Variants in CMKLR1 observed in about 807,000 individuals in gnomAD.
The protein encoded by CMKLR1 is chemerin-like receptor 1.
Under a neutral mutation model 8.2 loss-of-function variants are expected in CMKLR1, and 6 were observed. The ratio of observed to expected loss-of-function variants is 0.73; its 90% confidence interval spans 0.40 to 1.44. CMKLR1 has a LOEUF of 1.44. Ranked by LOEUF, CMKLR1 falls within the 40% of genes most tolerant of loss-of-function variation. The probability of loss-of-function intolerance (pLI) is 0.02; values close to 1 mark genes in which losing one functional copy is unlikely to be tolerated. For synonymous variants in CMKLR1, 178 were observed against 181.2 expected (o/e 0.98, Z 0.14); for missense variants, 429 against 478.0 (o/e 0.90, Z 0.96).
intron 2 of CMKLR1, among the ~76,000 whole-genome samples, chr12:108,297,351 T>A (rs1891164542): frequency 6.6e-6 from 1 of 152,218 alleles, no homozygotes. Context: ...AAAAAATACG[T>A]GTCAATTGGC....
intron 2 of CMKLR1, among the ~76,000 whole-genome samples, chr12:108,302,757 T>A (rs1891311334): frequency 6.6e-6 from 1 of 152,166 alleles, no homozygotes; most frequent in African/African-American, 2.4e-5. Context: ...CAACACACGT[T>A]TTGCAAGAAT....
chr12:108,316,209 C>G (rs1347493497), intron 2 of CMKLR1, among the ~76,000 whole-genome samples: 2 of 152,226 alleles, frequency 1.3e-5, no homozygotes, highest in Non-Finnish European at 2.9e-5. Flanking sequence ...GCACTGGTCG[C>G]CAGCCTGAGA....
chr12:108,297,775 GC>G (rs1180770412), intron 2 of CMKLR1, among the ~76,000 whole-genome samples: 1 of 152,144 alleles, frequency 6.6e-6, no homozygotes, highest in African/African-American at 2.4e-5. Context: ...ACCTCCGTAA[GC>G]CTCAACCTTC....
Position 108,290,636 on chromosome 12 carries a change from T to C in CMKLR1, c.*1205A>G, listed in dbSNP as rs1000383079. Reference sequence around the variant, plus strand: ...GGGCCTCAGCTATGTCATTTGTAAATGGGGCTATGACACTCTGTGGCCACA... The same window carrying C: ...GGGCCTCAGCTATGTCATTTGTAAACGGGGCTATGACACTCTGTGGCCACA... On this transcript the variant is annotated 3_prime_UTR_variant, in exon 4 of 4. Coordinates refer to ENST00000550402, the MANE Select transcript of CMKLR1 (RefSeq NM_001142343.2). 8 of 152,100 alleles carry C rather than the reference T, an allele frequency of 5.3e-5. No individual in the cohort carries two copies. The highest frequency in any genetic ancestry group is 8.8e-5 in the Non-Finnish European group (6 of 68,042). The allele number at this position is 152,100 out of a possible 1,614,324, so 9.4% of individuals were successfully genotyped here. A position where few individuals can be genotyped will look rare whatever the true frequency, so the allele number is the denominator to read the frequency against.
intron 2 of CMKLR1, among the ~76,000 whole-genome samples, chr12:108,319,703 T>A (rs188802633): frequency 6.6e-6 from 1 of 152,342 alleles, no homozygotes; most frequent in East Asian, 1.9e-4. Context: ...TTATTGTTGT[T>A]GTTGTTGTTG....
At chr12:108,299,696 T>C (rs966601168) in intron 2 of CMKLR1, among the ~76,000 whole-genome samples, 1 of 152,032 alleles carries the variant, frequency 6.6e-6, no homozygotes, top group African/African-American at 2.4e-5. Context: ...CAGAAGGCCA[T>C]GTGGGGATGG....
chr12:108,324,509 C>T (rs940673963), intron 2 of CMKLR1, among the ~76,000 whole-genome samples: 3 of 152,132 alleles, frequency 2.0e-5, no homozygotes, highest in Admixed American at 6.5e-5. Context: ...AAGCAAGCCA[C>T]GCAGACGGGA....
At chr12:108,316,474 G>A (rs999013453) in intron 2 of CMKLR1, among the ~76,000 whole-genome samples, 6 of 152,220 alleles carry the variant, frequency 3.9e-5, no homozygotes, top group African/African-American at 9.6e-5. Context: ...AGGACAGAGC[G>A]GTCAGGGCAA....
At chr12:108,337,890 T>C (rs1283597328) in intron 1 of CMKLR1, among the ~76,000 whole-genome samples, 1 of 152,194 alleles carries the variant, frequency 6.6e-6, no homozygotes, top group Non-Finnish European at 1.5e-5. Flanking sequence ...TAGAGGAATC[T>C]TACCTTCAAA....
At chr12:108,301,890 A>G (rs544991672) in intron 2 of CMKLR1, among the ~76,000 whole-genome samples, 1 of 152,306 alleles carries the variant, frequency 6.6e-6, no homozygotes, top group East Asian at 1.9e-4. Flanking sequence ...AGATCCCACC[A>G]TTATAATGGG....
intron 2 of CMKLR1, among the ~76,000 whole-genome samples, chr12:108,302,825 G>A (rs1049327515): frequency 5.3e-5 from 8 of 152,168 alleles, no homozygotes; most frequent in Non-Finnish European, 7.4e-5. Context: ...GGGAGAGAGG[G>A]TGGGAGGGGT....
intron 2 of CMKLR1, among the ~76,000 whole-genome samples, chr12:108,309,754 C>T (rs1313394843): frequency 6.6e-6 from 1 of 152,204 alleles, no homozygotes; most frequent in Non-Finnish European, 1.5e-5. Context: ...TATCCACAGT[C>T]CCCACCCCTC....
intron 2 of CMKLR1, chr12:108,317,877 AG>A (rs1891770675): frequency 6.6e-6 from 1 of 152,220 alleles, no homozygotes; most frequent in Non-Finnish European, 1.5e-5. Flanking sequence ...TCCCTATGTT[AG>A]TTCCTCATGT....
intron 2 of CMKLR1, among the ~76,000 whole-genome samples, chr12:108,328,405 G>A (rs752274865): frequency 3.9e-5 from 6 of 152,248 alleles, no homozygotes; most frequent in South Asian, 4.2e-4. Context: ...ACGTGATCTC[G>A]TTTAAGCCCC....
intron 2 of CMKLR1, among the ~76,000 whole-genome samples, chr12:108,294,606 G>C (rs1351447399): frequency 6.6e-6 from 1 of 152,196 alleles, no homozygotes; most frequent in Non-Finnish European, 1.5e-5. Context: ...AGAAGCATCA[G>C]AAATGTGGAG....
chr12:108,310,215 G>C (rs1453816333), intron 2 of CMKLR1, among the ~76,000 whole-genome samples: 1 of 151,614 alleles, frequency 6.6e-6, no homozygotes, highest in Non-Finnish European at 1.5e-5. Flanking sequence ...AGGGGAGAAG[G>C]CAGGAGATGT....
In CMKLR1 at chr12:108,326,998, T is replaced by TGAGA. The variant is rs138633888; in HGVS notation, c.-74+2993_-74+2996dup. Among the ~76,000 whole-genome samples, 9 of 148,706 alleles carry TGAGA rather than the reference T, an allele frequency of 6.1e-5. No individual in the cohort carries two copies. In the East Asian group the frequency reaches 1.6e-3, roughly 26 times the overall value. On this transcript the variant is annotated intron_variant, in intron 2 of 3. Coordinates refer to ENST00000550402, the MANE Select transcript of CMKLR1 (RefSeq NM_001142343.2). ...AATTTATAAGTGAAAAAACTGAGGC[T>TGAGA]GAGAGAGAGAGAGAGAGAGAAACTG...
chr12:108,297,637 A>G (rs1299247754), intron 2 of CMKLR1, among the ~76,000 whole-genome samples: 1 of 152,216 alleles, frequency 6.6e-6, no homozygotes, highest in Non-Finnish European at 1.5e-5. Flanking sequence ...AGGTGGATAC[A>G]CTTGCCTGAG....
In CMKLR1 at chr12:108,292,909, G is replaced by T. The variant is rs1891034801; in HGVS notation, c.54C>A (p.Tyr18Ter). 3.7e-6 allele frequency: 6 copies of T among 1,613,692 alleles called. No homozygotes were observed. The highest frequency in any genetic ancestry group is 5.1e-6 in the Non-Finnish European group (6 of 1,179,820). ...CCACAATGGAGTCTAAATAATCAGGGTATTCATCACCGTAACTGATGGAAG... is the reference window on the plus strand; with the variant it reads ...CCACAATGGAGTCTAAATAATCAGGTTATTCATCACCGTAACTGATGGAAG... Reference protein sequence around the residue: ...YNTSISYGDEYPDYLDSIVVL... With the variant: ...YNTSISYGDE Residue 18 changes from tyrosine to a stop codon, truncating the protein, a stop_gained, in exon 4 of 4, where the codon TAC becomes TAA. Transcript: ENST00000550402. LOFTEE classifies it low-confidence loss of function (END_TRUNC).
Sources: allele counts gnomAD v4.1 joint callset (sites outside exome capture counted in the v4.1 genomes callset), GRCh38; gene constraint gnomAD v4.1.1; transcripts MANE v1.5; gene names NCBI Gene and HGNC (gene_info 2026-07-23, HGNC 2026-07-21).